DMD: variants seen among roughly 807,000 people sequenced by gnomAD.
DMD encodes dystrophin, also known as mutant dystrophin.
In DMD, 63 loss-of-function variants were observed where a neutral mutation model predicts 330.1. That is an observed-to-expected ratio of 0.19 (90% CI 0.16 to 0.24). The LOEUF (loss-of-function observed/expected upper bound fraction) is 0.24. DMD is among the 10% of genes least tolerant of loss of function. DMD has a pLI of 1.00. For synonymous variants in DMD, 1,223 were observed against 959.8 expected (o/e 1.27, Z -5.07); for missense variants, 3,344 against 2,684.1 (o/e 1.25, Z -5.43).
chrX:31,824,898 T>C, intron 49 of DMD, among the ~76,000 whole-genome samples: 2 of 111,849 alleles, frequency 1.8e-5, no homozygotes, highest in Middle Eastern at 9.4e-3. Flanking sequence ...AATCAAGGCT[T>C]TCAATGTTTT....
At chrX:32,051,988 C>G (rs1379197617) in intron 44 of DMD, among the ~76,000 whole-genome samples, 1 of 111,963 alleles carries the variant, frequency 8.9e-6, no homozygotes, top group Non-Finnish European at 1.9e-5. Context: ...CCTAAGTTTA[C>G]TTTTTGAAGT....
Position 32,468,604 on chromosome X carries a change from T to C in DMD, c.3056A>G (p.Gln1019Arg), listed in dbSNP as rs2040297810. 2.5e-6 allele frequency: 3 copies of C among 1,211,147 alleles called. No individual in the cohort carries two copies. The highest frequency in any genetic ancestry group is 3.4e-6 in the Non-Finnish European group (3 of 895,115). The change falls in exon 23 of 79, where the codon CAA becomes CGA. Residue 1019 changes from glutamine (Q) to arginine (R), a missense_variant. By Grantham distance (43) the Gln-to-Arg change is conservative. Transcript: ENST00000357033. ...KAPSEISRKY[Q>R]SEFEEIEGRW... ...TCCCTCAATTTCTTCAAATTCTGAT[T>C]GATATTTCCGGCTAATTTCAGAGGG...
At chrX:32,156,857 C>T (rs971543178) in intron 44 of DMD, among the ~76,000 whole-genome samples, 1 of 111,202 alleles carries the variant, frequency 9.0e-6, no homozygotes, top group African/African-American at 3.3e-5. Flanking sequence ...GGAACCAAGC[C>T]CAGAGGTTAA....
chrX:32,675,378 C>A (rs1335282020), intron 9 of DMD, among the ~76,000 whole-genome samples: 1 of 111,402 alleles, frequency 9.0e-6, no homozygotes, highest in East Asian at 2.8e-4. Flanking sequence ...TTAATGAAGT[C>A]ATCTGTTGAT....
At chrX:32,796,843 G>C (rs1004294058) in intron 7 of DMD, among the ~76,000 whole-genome samples, 1 of 111,399 alleles carries the variant, frequency 9.0e-6, no homozygotes. Flanking sequence ...CCCTCTGCAA[G>C]GAATAAATCC....
chrX:33,088,481 T>C (rs1396692715), intron 1 of DMD, among the ~76,000 whole-genome samples: 1 of 111,843 alleles, frequency 8.9e-6, no homozygotes, highest in Non-Finnish European at 1.9e-5. Flanking sequence ...AATTCAACAC[T>C]GGGGGAGGAT....
intron 1 of DMD, among the ~76,000 whole-genome samples, chrX:33,029,155 T>C (rs768286765): frequency 4.5e-5 from 5 of 111,815 alleles, no homozygotes; most frequent in Admixed American, 1.9e-4. Flanking sequence ...AACTACTCTG[T>C]TAATTATAGA....
intron 45 of DMD, among the ~76,000 whole-genome samples, chrX:31,962,340 A>C (rs749113789): frequency 3.1e-3 from 351 of 112,184 alleles, no homozygotes; most frequent in Non-Finnish European, 5.3e-3. Flanking sequence ...ATAAATGAGC[A>C]AAGTGGGACA....
intron 1 of DMD, among the ~76,000 whole-genome samples, chrX:33,050,254 A>AAT: frequency 8.9e-6 from 1 of 111,966 alleles, no homozygotes; most frequent in South Asian, 3.7e-4. Context: ...ATAAGTGTGT[A>AAT]ATAATAAGTT....
chrX:31,737,099 T>C lies in DMD; in HGVS notation c.7543-7351A>G, dbSNP rs982561796. ...ACTAATATTGCCCCTATTTTACTAGTAAAGAAAATGAATGAAAAAGAAGTT... is the reference window on the plus strand; with the variant it reads ...ACTAATATTGCCCCTATTTTACTAGCAAAGAAAATGAATGAAAAAGAAGTT... On this transcript the variant is annotated intron_variant, in intron 51 of 78. Transcript: ENST00000357033. Among the ~76,000 whole-genome samples the C allele has an allele frequency of 3.6e-5, 4 of 111,790 alleles. No homozygotes were observed. The Admixed American group carries it at 3.8e-4, about 11-fold the overall frequency.
At chrX:32,580,030 C>G (rs1360762238) in intron 13 of DMD, among the ~76,000 whole-genome samples, 1 of 97,694 alleles carries the variant, frequency 1.0e-5, no homozygotes, top group Non-Finnish European at 2.0e-5. Flanking sequence ...TTTTTTTTGG[C>G]AGCTTAATAA....
At chrX:32,063,694 A>G (rs2096243268) in intron 44 of DMD, among the ~76,000 whole-genome samples, 1 of 111,009 alleles carries the variant, frequency 9.0e-6, no homozygotes, top group African/African-American at 3.3e-5. Flanking sequence ...TTTACTTTTT[A>G]TTATTTTTTG....
chrX:32,485,778 T>G (rs1250364584), intron 20 of DMD, among the ~76,000 whole-genome samples: 13 of 82,594 alleles, frequency 1.6e-4, no homozygotes, highest in Non-Finnish European at 2.7e-4. Flanking sequence ...AGTCTCGCTC[T>G]TGTTGCCCAG....
intron 59 of DMD, among the ~76,000 whole-genome samples, chrX:31,474,104 G>A (rs987283000): frequency 2.7e-5 from 3 of 111,791 alleles, no homozygotes; most frequent in Non-Finnish European, 3.8e-5. Context: ...TTCTCTTAGT[G>A]AGCAATATAG....
At chrX:32,714,317 C>T (rs1051821471) in intron 7 of DMD, among the ~76,000 whole-genome samples, 2 of 111,166 alleles carry the variant, frequency 1.8e-5, no homozygotes, top group Admixed American at 9.7e-5. Flanking sequence ...TCTCTCACCC[C>T]CTTCCCACTC....
At chrX:32,205,075 A>G (rs1235288443) in intron 44 of DMD, among the ~76,000 whole-genome samples, 1 of 99,724 alleles carries the variant, frequency 1.0e-5, no homozygotes, top group Non-Finnish European at 2.0e-5. Flanking sequence ...AAAACAAAAA[A>G]TCTGTGAAAC....
intron 43 of DMD, among the ~76,000 whole-genome samples, chrX:32,225,082 A>C (rs1483526519): frequency 8.9e-6 from 1 of 111,933 alleles, no homozygotes; most frequent in Non-Finnish European, 1.9e-5. Context: ...TTATAGGTAA[A>C]CTTGTTAAAT....
intron 61 of DMD, among the ~76,000 whole-genome samples, chrX:31,344,752 A>G (rs1240768986): frequency 9.0e-6 from 1 of 110,564 alleles, no homozygotes; most frequent in Non-Finnish European, 1.9e-5. Flanking sequence ...CGGGAGGCTG[A>G]GTCATGAGAA....
intron 47 of DMD, among the ~76,000 whole-genome samples, chrX:31,914,805 A>G (rs1056362138): frequency 4.5e-5 from 5 of 112,227 alleles, no homozygotes; most frequent in African/African-American, 1.6e-4. Context: ...GGAAAAATGA[A>G]TAATACCCAG....
Sources: allele counts gnomAD v4.1 joint callset (sites outside exome capture counted in the v4.1 genomes callset), GRCh38; gene constraint gnomAD v4.1.1; transcripts MANE v1.5; gene names NCBI Gene and HGNC (gene_info 2026-07-23, HGNC 2026-07-21).